EDC3: variants seen among roughly 807,000 people sequenced by gnomAD.
The protein encoded by EDC3 is enhancer of mRNA-decapping protein 3.
Under a neutral mutation model 41.8 loss-of-function variants are expected in EDC3, and 20 were observed. The ratio of observed to expected loss-of-function variants is 0.48; its 90% CI spans 0.34 to 0.70. The LOEUF (loss-of-function observed/expected upper bound fraction) is 0.70, where lower values mean the gene tolerates loss of function less well. Ranked by LOEUF, EDC3 falls within the 30% of genes least tolerant of loss-of-function variation. EDC3 has a pLI of 0.01. For missense variants in EDC3, 444 were observed against 636.8 expected, an observed-to-expected ratio of 0.70 and a Z score of 3.26; for synonymous variants, 206 against 243.2, an observed-to-expected ratio of 0.85 and a Z score of 1.42.
intron 1 of EDC3, among the ~76,000 whole-genome samples, chr15:74,685,658 C>A (rs2062928584): frequency 6.6e-6 from 1 of 152,096 alleles, no homozygotes; most frequent in African/African-American, 2.4e-5. Context: ...TATCCTTGGG[C>A]ATACTCTATG....
intron 6 of EDC3, chr15:74,634,951 C>A (rs1012355161): frequency 7.6e-6 from 3 of 397,224 alleles, no homozygotes; most frequent in Non-Finnish European, 1.5e-5. Context: ...ATCCCCAAGG[C>A]CCATCATGAC....
In EDC3 at chr15:74,631,469, C is replaced by G. The variant is rs1479500164; in HGVS notation, c.*1143G>C. The G allele has an allele frequency of 6.6e-6, 1 of 152,274 alleles. No individual in the cohort carries two copies. Among genetic ancestry groups the G allele is most frequent in the Non-Finnish European group, 1.5e-5 (1 of 68,086 alleles). 9.4% of individuals were successfully genotyped at this position (152,274 alleles called of 1,614,324 possible). A position where few individuals can be genotyped will look rare whatever the true frequency, so the allele number is the denominator to read the frequency against. On this transcript the variant is annotated 3_prime_UTR_variant, in exon 7 of 7. Coordinates refer to ENST00000315127, the MANE Select transcript of EDC3 (RefSeq NM_025083.5). ...TGGAACCCACACCAGCTAGCTCATCCAGAACTAGCCTCATTTTGCCATCTT... is the reference window on the plus strand; with the variant it reads ...TGGAACCCACACCAGCTAGCTCATCGAGAACTAGCCTCATTTTGCCATCTT...
At position 74,635,484 on chromosome 15, in the gene EDC3, T is replaced by A; in HGVS notation, c.1117A>T (p.Lys373Ter). 2 of 1,614,214 alleles carry A rather than the reference T, an allele frequency of 1.2e-6. No homozygotes were observed. Among genetic ancestry groups the A allele is most frequent in the South Asian group, 2.2e-5 (2 of 91,084 alleles). The change falls in exon 6 of 7, where the codon AAG becomes TAG. Residue 373 changes from lysine to a stop codon, truncating the protein, a stop_gained. Transcript: ENST00000315127. LOFTEE classifies it high-confidence loss of function. Reference protein sequence around the residue: ...QVILFLPNFVKMLESITNELS... With the variant: ...QVILFLPNFV ...TCATTGGTGATAGATTCCAACATCT[T>A]GACAAAATTGGGCAGGAAAAGGATG... is the stretch of plus-strand genomic sequence containing the variant.
chr15:74,669,279 G>A (rs1281971035), intron 3 of EDC3, among the ~76,000 whole-genome samples: 1 of 150,108 alleles, frequency 6.7e-6, no homozygotes, highest in African/African-American at 2.5e-5. Flanking sequence ...GGAGGCGGAA[G>A]TTGCGGTGAG....
chr15:74,631,887 C>T lies in EDC3; in HGVS notation c.*725G>A, dbSNP rs1424398461. 1 of 152,836 alleles carries T rather than the reference C, an allele frequency of 6.5e-6. No homozygotes were observed. Among genetic ancestry groups the T allele is most frequent in the Non-Finnish European group, 1.5e-5 (1 of 68,452 alleles). 9.5% of individuals were successfully genotyped at this position (152,836 alleles called of 1,614,324 possible). On this transcript the variant is annotated 3_prime_UTR_variant, in exon 7 of 7. Coordinates refer to ENST00000315127, the MANE Select transcript of EDC3 (RefSeq NM_025083.5). The stretch of plus-strand genomic sequence containing the variant: ...CACTGTGGTTCTACAGTAATATAAC[C>T]TTATACTACCTGTGCTGAAGACGAC...
At chr15:74,644,916 A>C (rs1358283252) in intron 4 of EDC3, 2 of 152,190 alleles carry the variant, frequency 1.3e-5, no homozygotes, top group East Asian at 3.8e-4. Context: ...GGACAAGGGG[A>C]TACAATGTAC....
At position 74,632,350 on chromosome 15, in the gene EDC3, C is replaced by T; in HGVS notation, c.*262G>A. On this transcript the variant is annotated 3_prime_UTR_variant, in exon 7 of 7. Transcript: ENST00000315127. This position sits in a 1 kb window ranked among gnomAD's most constrained non-coding sequence, Gnocchi z 4.0. ...GCCTACGGCTGTAAACAAAGGCCCA[C>T]CTGGCCGTGCAGGGGGCTGAGGGTA... 4 of 530,704 alleles carry T rather than the reference C, an allele frequency of 7.5e-6. No individual in the cohort carries two copies. Among genetic ancestry groups the T allele is most frequent in the East Asian group, 3.3e-5 (1 of 30,496 alleles). The allele number at this position is 530,704 out of a possible 1,614,324, so 32.9% of individuals were successfully genotyped here.
intron 5 of EDC3, chr15:74,640,147 G>A (rs2062330974): frequency 7.1e-6 from 2 of 283,448 alleles, no homozygotes; most frequent in South Asian, 5.0e-5. Flanking sequence ...TAAATGATGA[G>A]TGCCAAAGGC....
chr15:74,635,401 G>C lies in EDC3; in HGVS notation c.1192+8C>G. 6.2e-7 allele frequency: 1 copy of C among 1,614,000 alleles called. No homozygotes were observed. Among genetic ancestry groups the C allele is most frequent in the Non-Finnish European group, 8.5e-7 (1 of 1,179,812 alleles). ...AGGCCTTCAGCCCAGCCCTGCCTAAGTGCTCACCTTTGAGGCTAGACACTT... is the reference window on the plus strand; with the variant it reads ...AGGCCTTCAGCCCAGCCCTGCCTAACTGCTCACCTTTGAGGCTAGACACTT... On this transcript the variant is annotated splice_region_variant and intron_variant, in intron 6 of 6. Transcript: ENST00000315127.
intron 4 of EDC3, among the ~76,000 whole-genome samples, chr15:74,648,560 C>T (rs958207415): frequency 1.3e-5 from 2 of 152,242 alleles, no homozygotes; most frequent in Non-Finnish European, 2.9e-5. Flanking sequence ...GAAACCAGAA[C>T]TGCCTTTTCC....
intron 3 of EDC3, among the ~76,000 whole-genome samples, chr15:74,669,816 A>G (rs1442468661): frequency 6.6e-6 from 1 of 152,000 alleles, no homozygotes; most frequent in Non-Finnish European, 1.5e-5. Context: ...TATAATTTTA[A>G]ATGAGTTAAT....
In EDC3 at chr15:74,672,531, A is replaced by G. The variant is rs564209630; in HGVS notation, c.165-757T>C. Among the ~76,000 whole-genome samples, 174 of 152,236 alleles carry G rather than the reference A, an allele frequency of 1.1e-3. 1 individual carries two copies. Among genetic ancestry groups the G allele is most frequent in the African/African-American group, 4.0e-3 (167 of 41,552 alleles). ...GTACATATTCAATCAAAAGTGTTAA[A>G]TGGACTGGGCACCATGGCTCATGCC... On this transcript the variant is annotated intron_variant, in intron 2 of 6. Transcript: ENST00000315127.
chr15:74,632,384 T>TC lies in EDC3; in HGVS notation c.*227_*228insG. The TC allele has an allele frequency of 1.7e-6, 1 of 585,324 alleles. No individual in the cohort carries two copies. The highest frequency in any genetic ancestry group is 3.0e-5 in the Admixed American group (1 of 33,050). The allele number at this position is 585,324 out of a possible 1,614,324, so 36.3% of individuals were successfully genotyped here. A position where few individuals can be genotyped will look rare whatever the true frequency, so the allele number is the denominator to read the frequency against. On this transcript the variant is annotated 3_prime_UTR_variant, in exon 7 of 7. Transcript: ENST00000315127. The surrounding 1 kb of genome is among the most constrained non-coding windows in gnomAD (Gnocchi z 4.0). ...GCAGGGGGCTGAGGGTAGAGATGCC[T>TC]GGAGTTGCTGCACGCTCAGCCTGCC... is the stretch of plus-strand genomic sequence containing the variant.
At chr15:74,679,120 C>T (rs1192344038) in intron 1 of EDC3, among the ~76,000 whole-genome samples, 2 of 151,966 alleles carry the variant, frequency 1.3e-5, no homozygotes, top group Non-Finnish European at 2.9e-5. Flanking sequence ...TGGCTTGAAC[C>T]CAGGAGGGGA....
intron 1 of EDC3, among the ~76,000 whole-genome samples, chr15:74,691,693 A>C (rs2063009210): frequency 6.6e-6 from 1 of 152,156 alleles, no homozygotes; most frequent in African/African-American, 2.4e-5. Context: ...TCAGGCATAA[A>C]ATTTATTACT....
intron 1 of EDC3, among the ~76,000 whole-genome samples, chr15:74,686,487 C>G (rs1406531060): frequency 6.7e-6 from 1 of 150,356 alleles, no homozygotes; most frequent in Admixed American, 6.6e-5. Flanking sequence ...GACTCCATCT[C>G]AAAAAAAATT....
chr15:74,686,250 G>A (rs966344390), intron 1 of EDC3, among the ~76,000 whole-genome samples: 3 of 152,090 alleles, frequency 2.0e-5, no homozygotes, highest in African/African-American at 2.4e-5. Context: ...GCTTGAACCC[G>A]GGAGGCGGAG....
intron 1 of EDC3, among the ~76,000 whole-genome samples, chr15:74,686,558 G>A (rs966396126): frequency 6.6e-6 from 1 of 151,800 alleles, no homozygotes; most frequent in Non-Finnish European, 1.5e-5. Flanking sequence ...GCCGAGGCAG[G>A]TGGATCACCT....
At chr15:74,640,801 G>A in intron 4 of EDC3, 182 bp from the exon 5 acceptor site, 1 of 666,546 alleles carries the variant, frequency 1.5e-6, no homozygotes, top group Non-Finnish European at 2.5e-6. Context: ...GTAGTGACTG[G>A]TGAACCAAGT....
Sources: allele counts gnomAD v4.1 joint callset (sites outside exome capture counted in the v4.1 genomes callset), GRCh38; gene constraint gnomAD v4.1.1; non-coding constraint Gnocchi (gnomAD v3.1); transcripts MANE v1.5; gene names NCBI Gene and HGNC (gene_info 2026-07-23, HGNC 2026-07-21).